Variants in UTRN observed in about 807,000 individuals in gnomAD.
UTRN encodes utrophin, also known as dystrophin-related protein 1.
A neutral mutation model predicts 463.9 loss-of-function variants in UTRN; 283 were observed. The observed-to-expected ratio is 0.61, with a 90% CI of 0.55 to 0.67. UTRN has a LOEUF of 0.67. Ranked by LOEUF, UTRN falls within the 30% of genes least tolerant of loss-of-function variation. The pLI is 0.00. For missense variants in UTRN, 3,922 were observed against 4,084.3 expected (o/e 0.96, Z 1.08); for synonymous variants, 1,442 against 1,431.5 (o/e 1.01, Z -0.17).
chr6:144,761,311 T>C (rs905961112), intron 58 of UTRN, among the ~76,000 whole-genome samples: 1 of 152,200 alleles, frequency 6.6e-6, no homozygotes, highest in African/African-American at 2.4e-5. Context: ...TAGTTATTTC[T>C]TTTTTCCTAG....
chr6:144,799,101 G>T (rs1446971594), intron 64 of UTRN, among the ~76,000 whole-genome samples: 1 of 152,252 alleles, frequency 6.6e-6, no homozygotes, highest in Non-Finnish European at 1.5e-5. Flanking sequence ...CTCTGAGGGA[G>T]AGTCAAATCA....
intron 2 of UTRN, among the ~76,000 whole-genome samples, chr6:144,332,718 T>G (rs960131552): frequency 5.9e-5 from 9 of 152,212 alleles, no homozygotes; most frequent in African/African-American, 1.7e-4. Flanking sequence ...TTAATAGTAA[T>G]TTTGTAAAGT....
chr6:144,288,213 G>A (rs1326582240), intron 1 of UTRN, among the ~76,000 whole-genome samples: 4 of 152,134 alleles, frequency 2.6e-5, no homozygotes, highest in African/African-American at 9.7e-5. Flanking sequence ...CTGTATCTTT[G>A]CAACCTGTAA....
intron 51 of UTRN, among the ~76,000 whole-genome samples, chr6:144,629,816 G>T (rs1224845572): frequency 2.0e-5 from 3 of 152,138 alleles, no homozygotes; most frequent in African/African-American, 7.2e-5. Flanking sequence ...GTCATTTTAG[G>T]CATATTGCAT....
Position 144,824,592 on chromosome 6 carries a change from A to G in UTRN, c.9495-2756A>G, listed in dbSNP as rs1231733331. Among the ~76,000 whole-genome samples the G allele has an allele frequency of 7.9e-4, 39 of 49,604 alleles. 1 individual carries two copies. Among genetic ancestry groups the G allele is most frequent in the Non-Finnish European group, 7.9e-4 (25 of 31,570 alleles). The allele number at this position is 49,604 out of a possible 152,430, so 32.5% of individuals were successfully genotyped here. On this transcript the variant is annotated intron_variant, in intron 66 of 74. Transcript: ENST00000367545. ...TTTATTTATATATATATATATATAT[A>G]TATATATATATATATATATATCTTT...
At chr6:144,410,614 CATT>C (rs1783804525) in intron 3 of UTRN, among the ~76,000 whole-genome samples, 1 of 148,468 alleles carries the variant, frequency 6.7e-6, no homozygotes, top group South Asian at 2.2e-4. Context: ...TCCATTGTAT[CATT>C]CTTATACCTT....
At chr6:144,508,048 C>G (rs1794835178) in intron 34 of UTRN, among the ~76,000 whole-genome samples, 1 of 152,176 alleles carries the variant, frequency 6.6e-6, no homozygotes, top group African/African-American at 2.4e-5. Context: ...GAGGGGAAAA[C>G]TGCCTACTCA....
chr6:144,348,081 G>A (rs550347219), intron 2 of UTRN, among the ~76,000 whole-genome samples: 3 of 151,922 alleles, frequency 2.0e-5, no homozygotes, highest in Admixed American at 6.6e-5. Context: ...TCCTGAGCTC[G>A]AGTGATCCTC....
chr6:144,630,231 C>G (rs902338114), intron 51 of UTRN, among the ~76,000 whole-genome samples: 2 of 152,062 alleles, frequency 1.3e-5, no homozygotes, highest in African/African-American at 4.8e-5. Context: ...TTGGGAGTTA[C>G]TAAGCATATA....
intron 2 of UTRN, among the ~76,000 whole-genome samples, chr6:144,308,972 C>T (rs2114552327): frequency 6.6e-6 from 1 of 152,292 alleles, no homozygotes; most frequent in East Asian, 1.9e-4. Flanking sequence ...CAGGCAGACC[C>T]CCTACCAGTC....
At chr6:144,814,965 C>A (rs1778949039) in intron 65 of UTRN, among the ~76,000 whole-genome samples, 1 of 152,048 alleles carries the variant, frequency 6.6e-6, no homozygotes. Flanking sequence ...TGCATATTTC[C>A]CAGCTCTGTG....
chr6:144,589,028 T>G (rs796121647), intron 51 of UTRN, among the ~76,000 whole-genome samples: 87 of 152,324 alleles, frequency 5.7e-4, no homozygotes, highest in African/African-American at 1.9e-3. Flanking sequence ...CTAAAAAGAT[T>G]AATTTATAAC....
At chr6:144,833,280 C>T (rs1291377719) in intron 69 of UTRN, among the ~76,000 whole-genome samples, 1 of 152,162 alleles carries the variant, frequency 6.6e-6, no homozygotes, top group Non-Finnish European at 1.5e-5. Context: ...ACTTGAATGA[C>T]CTGCCTGGTC....
At chr6:144,481,406 G>A (rs537744494) in intron 26 of UTRN, among the ~76,000 whole-genome samples, 47 of 152,302 alleles carry the variant, frequency 3.1e-4, no homozygotes, top group African/African-American at 1.1e-3. Flanking sequence ...GATCATCTCA[G>A]TCTAACTTTA....
chr6:144,596,544 C>T (rs1025915821), intron 51 of UTRN, among the ~76,000 whole-genome samples: 1 of 152,092 alleles, frequency 6.6e-6, no homozygotes, highest in East Asian at 1.9e-4. Flanking sequence ...TTTCATGGGA[C>T]TGTACTACCA....
At chr6:144,421,769 C>T in intron 3 of UTRN, 109 bp from the exon 4 acceptor site, 1 of 634,448 alleles carries the variant, frequency 1.6e-6, no homozygotes, top group Non-Finnish European at 2.4e-6. Flanking sequence ...AGATCATCCA[C>T]AACATTTTAA....
At chr6:144,768,754 T>A (rs1290278137) in intron 58 of UTRN, among the ~76,000 whole-genome samples, 1 of 152,130 alleles carries the variant, frequency 6.6e-6, no homozygotes, top group Non-Finnish European at 1.5e-5. Flanking sequence ...GTTTGCAGAG[T>A]TTAAAATAGC....
rs1346750397 is a variant in UTRN at position 144,429,817 on chromosome 6, A to G, written c.855+76A>G. On this transcript the variant is annotated intron_variant, in intron 9 of 74. Coordinates refer to ENST00000367545, the MANE Select transcript of UTRN (RefSeq NM_007124.3). ...CTAGGTACTAGATAAAAACACTTTT[A>G]GAGGGTTTTTTTCTTGACTGAGAAC... 3.3e-6 allele frequency: 5 copies of G among 1,505,474 alleles called. No homozygotes were observed. In the African/African-American group the frequency reaches 5.7e-5, roughly 17 times the overall value. 93.3% of individuals were successfully genotyped at this position (1,505,474 alleles called of 1,614,324 possible).
chr6:144,299,338 T>C (rs572483678), intron 2 of UTRN, among the ~76,000 whole-genome samples: 110 of 152,198 alleles, frequency 7.2e-4, no homozygotes, highest in Non-Finnish European at 1.4e-3. Flanking sequence ...ATGATCTGCA[T>C]TTTAGAGGAG....
Sources: gnomAD v4.1 joint callset for allele counts (sites outside exome capture counted in the v4.1 genomes callset) on GRCh38, gnomAD v4.1.1 for gene constraint, MANE v1.5 for transcripts, NCBI Gene and HGNC (gene_info 2026-07-23, HGNC 2026-07-21) for gene names.